PLEKHA5: variants seen among roughly 807,000 people sequenced by gnomAD.
PLEKHA5 encodes pleckstrin homology domain containing A5.
In PLEKHA5, 55 loss-of-function variants were observed where a neutral mutation model predicts 181.9. That is an observed-to-expected ratio of 0.30 (90% confidence interval 0.24 to 0.38). The LOEUF (loss-of-function observed/expected upper bound fraction) is 0.38. Ranked by LOEUF, PLEKHA5 falls within the 10% of genes least tolerant of loss-of-function variation. The pLI is 1.00. For missense variants in PLEKHA5, 1,432 were observed against 1,549.5 expected (o/e 0.92, Z 1.27); for synonymous variants, 535 against 529.4 (o/e 1.01, Z -0.15).
At chr12:19,197,676 CTGTGTGTGTGTGTGTGTGTGTGTGTGTG>C (rs3056412) in intron 3 of PLEKHA5, among the ~76,000 whole-genome samples, 34 of 111,022 alleles carry the variant, frequency 3.1e-4, no homozygotes, top group East Asian at 8.9e-4. Flanking sequence ...CTATCCGGTG[CTGTGTGTGTGTGTGTGTGTGTGTGTGTG>C]TGTGTGTGTG....
intron 11 of PLEKHA5, among the ~76,000 whole-genome samples, chr12:19,276,653 T>C (rs982871306): frequency 6.6e-6 from 1 of 152,204 alleles, no homozygotes. Context: ...ATCGTGCCAC[T>C]GCACTCCAAT....
chr12:19,346,934 T>G, intron 23 of PLEKHA5, 60 bp from the exon 24 acceptor site: 1 of 1,111,504 alleles, frequency 9.0e-7, no homozygotes, highest in South Asian at 2.2e-5. Context: ...TTGCAAAGAA[T>G]TTAGATATGC....
chr12:19,217,162 G>T (rs1353105419), intron 3 of PLEKHA5, among the ~76,000 whole-genome samples: 1 of 152,134 alleles, frequency 6.6e-6, no homozygotes, highest in Non-Finnish European at 1.5e-5. Flanking sequence ...GTATTAAAAG[G>T]GATACATGGG....
intron 25 of PLEKHA5, among the ~76,000 whole-genome samples, chr12:19,353,490 C>T (rs1256266462): frequency 1.3e-4 from 19 of 148,266 alleles, no homozygotes; most frequent in Non-Finnish European, 5.9e-5. Context: ...GACAGAGTTT[C>T]GTTCTTTGTT....
intron 13 of PLEKHA5, 80 bp downstream of exon 13, chr12:19,287,636 GT>G (rs2077504564): frequency 1.2e-6 from 1 of 822,614 alleles, no homozygotes; most frequent in South Asian, 1.6e-5. Context: ...TAATTTTTAA[GT>G]TTGAATTTTC....
At position 19,273,587 on chromosome 12, in the gene PLEKHA5, C is replaced by T. The variant is rs542114933; in HGVS notation, c.846-929C>T. On this transcript the variant is annotated intron_variant, in intron 10 of 31. Coordinates refer to ENST00000429027, the MANE Select transcript of PLEKHA5 (RefSeq NM_001256470.2). ...TAGAGTGGCATGATCTTGGCAGTTT[C>T]GTGCAGGTTCACACACTCAGCTTGA... Among the ~76,000 whole-genome samples the T allele has an allele frequency of 1.2e-4, 18 of 152,144 alleles. No individual in the cohort carries two copies. The South Asian group carries it at 2.9e-3, about 25-fold the overall frequency.
At chr12:19,172,786 A>G (rs1399827783) in intron 3 of PLEKHA5, among the ~76,000 whole-genome samples, 2 of 152,108 alleles carry the variant, frequency 1.3e-5, no homozygotes, top group Non-Finnish European at 2.9e-5. Context: ...GGCTACAGTC[A>G]CATGGCTAGA....
chr12:19,255,051 T>C lies in PLEKHA5; in HGVS notation c.318T>C (p.Val106=). ...NCIFVVNEQT[V]ATMTSEEKKE... is the part of the protein sequence containing the mutation. Reference sequence around the variant, plus strand: ...TTTTGACATATATTTTCAGGACTGTTGCAACCATGACATCTGAAGAAAAGA... The same window carrying C: ...TTTTGACATATATTTTCAGGACTGTCGCAACCATGACATCTGAAGAAAAGA... The change falls in exon 5 of 32, where the codon GTT becomes GTC. Residue 106 remains valine, a synonymous_variant. Transcript: ENST00000429027. The C allele has an allele frequency of 6.2e-7, 1 of 1,604,858 alleles. No homozygotes were observed. Among genetic ancestry groups the C allele is most frequent in the Non-Finnish European group, 8.5e-7 (1 of 1,174,010 alleles).
intron 4 of PLEKHA5, 84 bp from the exon 5 acceptor site, chr12:19,254,961 C>A: frequency 8.5e-7 from 1 of 1,182,560 alleles, no homozygotes. Context: ...AAGTAGGACA[C>A]TCGCATTGTT....
chr12:19,140,829 C>T (rs1383917243), intron 3 of PLEKHA5, among the ~76,000 whole-genome samples: 1 of 152,168 alleles, frequency 6.6e-6, no homozygotes, highest in Non-Finnish European at 1.5e-5. Flanking sequence ...CGCTCTGTTG[C>T]CTAGGCTGGA....
intron 20 of PLEKHA5, among the ~76,000 whole-genome samples, chr12:19,334,827 AAAATATATATATATATATATAT>A (rs1488983121): frequency 1.2e-4 from 2 of 16,578 alleles, no homozygotes; most frequent in African/African-American, 2.6e-4. Flanking sequence ...ACAAAAAAAA[AAAATATATATATATATATATAT>A]ATATATATAT....
intron 3 of PLEKHA5, among the ~76,000 whole-genome samples, chr12:19,198,162 T>C (rs971803453): frequency 6.6e-6 from 1 of 152,180 alleles, no homozygotes; most frequent in Non-Finnish European, 1.5e-5. Flanking sequence ...AATATAAAAA[T>C]GTAATTCAGA....
At chr12:19,335,582 A>ATTTTTTTTT (rs34158055) in intron 20 of PLEKHA5, among the ~76,000 whole-genome samples, 2 of 108,000 alleles carry the variant, frequency 1.9e-5, no homozygotes, top group African/African-American at 6.8e-5. Context: ...CGCCTGGCTA[A>ATTTTTTTTT]TTTTTTTTTT....
At chr12:19,162,585 A>G (rs1565885081) in intron 3 of PLEKHA5, among the ~76,000 whole-genome samples, 2 of 152,088 alleles carry the variant, frequency 1.3e-5, no homozygotes, top group Non-Finnish European at 2.9e-5. Context: ...AAAAAAAAAA[A>G]AAGAGTTGGG....
In PLEKHA5 at chr12:19,270,162, A is replaced by G. The variant is rs551581414; in HGVS notation, c.828-26A>G. The G allele has an allele frequency of 2.3e-5, 33 of 1,409,448 alleles. No homozygotes were observed. In the East Asian group the frequency reaches 8.2e-4, roughly 35 times the overall value. 87.3% of individuals were successfully genotyped at this position (1,409,448 alleles called of 1,614,324 possible). ...GGGTGAATCCAGAATCCTAACATTC[A>G]AACTGAATGTTCTTTCTTCTTACAG... On this transcript the variant is annotated intron_variant, in intron 9 of 31. Coordinates refer to ENST00000429027, the MANE Select transcript of PLEKHA5 (RefSeq NM_001256470.2).
intron 20 of PLEKHA5, among the ~76,000 whole-genome samples, chr12:19,328,441 A>G (rs1045895531): frequency 6.6e-6 from 1 of 152,112 alleles, no homozygotes; most frequent in Non-Finnish European, 1.5e-5. Context: ...GATTCTTCTA[A>G]TCCATGAACA....
rs1337611842 is a variant in PLEKHA5, at chr12:19,130,329, C to T, written c.169+199C>T. Reference sequence around the variant, plus strand: ...AGTTCTCTCCAGTCTCGGGGCGCCTCTTTCTCCTCAGCCTTTCATCAGCAC... The same window carrying T: ...AGTTCTCTCCAGTCTCGGGGCGCCTTTTTCTCCTCAGCCTTTCATCAGCAC... On this transcript the variant is annotated intron_variant, in intron 2 of 31. Coordinates refer to ENST00000429027, the MANE Select transcript of PLEKHA5 (RefSeq NM_001256470.2). This position sits in a 1 kb window ranked among gnomAD's most constrained non-coding sequence, Gnocchi z 4.5. Among the ~76,000 whole-genome samples the T allele has an allele frequency of 6.6e-6, 1 of 152,088 alleles. No individual in the cohort carries two copies. Among genetic ancestry groups the T allele is most frequent in the South Asian group, 2.1e-4 (1 of 4,800 alleles).
chr12:19,147,661 G>T (rs892828387), intron 3 of PLEKHA5, among the ~76,000 whole-genome samples: 3 of 151,778 alleles, frequency 2.0e-5, no homozygotes, highest in Admixed American at 2.0e-4. Flanking sequence ...AGTAAAGGGG[G>T]ATGGTGGAGA....
intron 11 of PLEKHA5, among the ~76,000 whole-genome samples, chr12:19,275,244 C>T (rs763739491): frequency 6.6e-6 from 1 of 152,092 alleles, no homozygotes. Flanking sequence ...AGGCAGAGAT[C>T]GAGTTTATTT....
Sources: allele counts gnomAD v4.1 joint callset (sites outside exome capture counted in the v4.1 genomes callset), GRCh38; gene constraint gnomAD v4.1.1; non-coding constraint Gnocchi (gnomAD v3.1); transcripts MANE v1.5; gene names NCBI Gene and HGNC (gene_info 2026-07-23, HGNC 2026-07-21).